The following PCGF1 variants were observed in gnomAD, a reference collection of about 807,000 sequenced individuals.
The protein encoded by PCGF1 is polycomb group ring finger 1.
PCGF1 carries 10 observed loss-of-function variants against 38.8 expected under a neutral mutation model. The observed-to-expected ratio is 0.26, with a 90% CI of 0.16 to 0.44. PCGF1 has a LOEUF of 0.44. Among genes scored for constraint, PCGF1 ranks in the 20% least tolerant of loss-of-function variants. PCGF1 has a pLI of 1.00. For synonymous variants in PCGF1, 119 were observed against 121.3 expected (o/e 0.98, Z 0.12); for missense variants, 230 against 331.5 (o/e 0.69, Z 2.38).
chr2:74,506,515 T>C, intron 3 of PCGF1: 1 of 627,594 alleles, frequency 1.6e-6, no homozygotes, highest in African/African-American at 1.8e-5. Context: ...GAGGTGGAGC[T>C]TGCAGTGAGC....
intron 1 of PCGF1, 172 bp downstream of exon 1, chr2:74,507,404 C>A (rs922467601): frequency 2.2e-5 from 32 of 1,455,160 alleles, no homozygotes; most frequent in Non-Finnish European, 2.8e-5. Context: ...GGCGACACAA[C>A]GCGCAGGCGT....
chr2:74,507,650 C>A lies in PCGF1; in HGVS notation c.19G>T (p.Gly7Cys). The change falls in exon 1 of 9, where the codon GGC becomes TGC. Residue 7 changes from glycine to cysteine, a missense_variant. By Grantham distance (159) the Gly-to-Cys change is radical. Around this residue, in one of 3 missense-constraint regions of PCGF1, gnomAD observed 46 missense variants for 35.9 expected, o/e 1.28. Coordinates refer to ENST00000233630, the MANE Select transcript of PCGF1 (RefSeq NM_032673.3). Reference sequence around the variant, plus strand: ...AGCCTCATCGCGATCGCAATCTGGCCCCCCTGAGGAGACGCCATCTTAAAG... The same window carrying A: ...AGCCTCATCGCGATCGCAATCTGGCACCCCTGAGGAGACGCCATCTTAAAG... Reference protein sequence around the residue: MASPQGGQIAIAMRLRN... With the variant: MASPQGCQIAIAMRLRN... 1 of 1,567,040 alleles carries A rather than the reference C, an allele frequency of 6.4e-7. No homozygotes were observed. Among genetic ancestry groups the A allele is most frequent in the Non-Finnish European group, 8.6e-7 (1 of 1,156,550 alleles).
At chr2:74,506,113 C>T in intron 4 of PCGF1, 56 bp from the exon 5 acceptor site, 2 of 1,611,862 alleles carry the variant, frequency 1.2e-6, no homozygotes, top group Non-Finnish European at 1.7e-6. Flanking sequence ...ACTCCTCTTT[C>T]CCCAGAGAGC....
rs746978198 is a variant in PCGF1, at chr2:74,506,269, T to C, written c.353-17A>G. On this transcript the variant is annotated splice_polypyrimidine_tract_variant and intron_variant, in intron 3 of 8. Coordinates refer to ENST00000233630, the MANE Select transcript of PCGF1 (RefSeq NM_032673.3). ...TCTCTTCACCTAGAAGAAGGTGAAG[T>C]ATGAGAATAAAGTATTAGCCCTTCG... The C allele has an allele frequency of 1.7e-5, 28 of 1,612,166 alleles. No homozygotes were observed. The highest frequency in any genetic ancestry group is 3.3e-5 in the Admixed American group (2 of 59,992).
intron 3 of PCGF1, 94 bp from the exon 4 acceptor site, chr2:74,506,346 G>A (rs1434867709): frequency 1.7e-6 from 2 of 1,168,366 alleles, no homozygotes; most frequent in Non-Finnish European, 2.5e-6. Flanking sequence ...GGGAGGCAGA[G>A]GTGGGCAGAT....
chr2:74,505,819 C>T, intron 5 of PCGF1, 49 bp from the exon 6 acceptor site: 1 of 1,611,822 alleles, frequency 6.2e-7, no homozygotes, highest in Non-Finnish European at 8.5e-7. Context: ...TCCTCCTCTT[C>T]CCCACCCAGA....
At position 74,506,958 on chromosome 2, in the gene PCGF1, C is replaced by T. The variant is rs760556202; in HGVS notation, c.200-74G>A. The T allele has an allele frequency of 4.4e-6, 7 of 1,600,028 alleles. No individual in the cohort carries two copies. The Admixed American group carries it at 5.0e-5, about 11-fold the overall frequency. ...ATGGGCTGGGTGGGGTGCCTGGATG[C>T]GTGAGGCAGGCCGCACAGAAGCTGG... On this transcript the variant is annotated intron_variant, in intron 2 of 8. Coordinates refer to ENST00000233630, the MANE Select transcript of PCGF1 (RefSeq NM_032673.3).
Position 74,505,589 on chromosome 2 carries a change from C to A in PCGF1, c.614G>T (p.Arg205Met), listed in dbSNP as rs759438760. 40 of 1,613,998 alleles carry A rather than the reference C, an allele frequency of 2.5e-5. No homozygotes were observed. The highest frequency in any genetic ancestry group is 3.2e-5 in the Non-Finnish European group (38 of 1,180,036). Residue 205 changes from arginine to methionine, a missense_variant, in exon 7 of 9, where the codon AGG (arginine) becomes ATG (methionine). Physicochemically the swap from Arg to Met is moderately conservative, Grantham distance 91. Coordinates refer to ENST00000233630, the MANE Select transcript of PCGF1 (RefSeq NM_032673.3). ...SVRAEVRHLR[R>M]VLCHRLMLNP... ...TAGCATCAAGCGGTGACACAGGACC[C>A]TCCGGAGATGGCGTACCTCAGCTCT... is the stretch of plus-strand genomic sequence containing the variant.
At chr2:74,506,120 G>T (rs1674625872) in intron 4 of PCGF1, 61 bp downstream of exon 4, 1 of 1,611,754 alleles carries the variant, frequency 6.2e-7, no homozygotes, top group African/African-American at 1.3e-5. Flanking sequence ...TTTCCCCAGA[G>T]AGCAAAACTG....
intron 8 of PCGF1, 71 bp downstream of exon 8, chr2:74,505,268 C>T: frequency 3.2e-6 from 5 of 1,572,926 alleles, no homozygotes; most frequent in South Asian, 1.2e-5. Context: ...CCCACCCTTC[C>T]CCTGAGGACT....
At position 74,507,348 on chromosome 2, in the gene PCGF1, G is replaced by C; in HGVS notation, c.94-201C>G. 6.2e-6 allele frequency: 9 copies of C among 1,452,584 alleles called. No individual in the cohort carries two copies. In the South Asian group the frequency reaches 1.3e-4, roughly 21 times the overall value. 90.0% of individuals were successfully genotyped at this position (1,452,584 alleles called of 1,614,324 possible). A position where few individuals can be genotyped will look rare whatever the true frequency, so the allele number is the denominator to read the frequency against. ...CGCGCACAGCGGGGGCTTCCCTCAC[G>C]TGGACTCGCCTGACCCTCCTTTCCC... On this transcript the variant is annotated intron_variant, in intron 1 of 8. Transcript: ENST00000233630.
chr2:74,505,442 A>G (rs760486687), intron 7 of PCGF1, 23 bp from the exon 8 acceptor site: 1 of 1,606,774 alleles, frequency 6.2e-7, no homozygotes, highest in South Asian at 1.1e-5. Context: ...TGGGGGCATA[A>G]TTTTAGGAAC....
rs780574338 is a variant in PCGF1 at position 74,505,395 on chromosome 2, C to G, written c.676G>C (p.Val226Leu). The G allele has an allele frequency of 1.8e-5, 29 of 1,610,624 alleles. No homozygotes were observed. In the Admixed American group the frequency reaches 4.9e-4, roughly 27 times the overall value. ...QHVQLLFDNE[V>L]LPDHMTMKQI... ...TTCATTGTCATGTGATCAGGGAGAA[C>G]TTCATTGTCAAAAAGGAGCTGCACC... The change falls in exon 8 of 9, where the codon GTT (valine) becomes CTT (leucine). Residue 226 changes from valine to leucine, a missense_variant. Around this residue, in one of 3 missense-constraint regions of PCGF1, gnomAD observed 144 missense variants for 182.4 expected, o/e 0.79. Transcript: ENST00000233630.
intron 3 of PCGF1, 199 bp from the exon 4 acceptor site, chr2:74,506,451 G>A (rs964349165): frequency 7.0e-5 from 43 of 615,488 alleles, no homozygotes; most frequent in African/African-American, 4.2e-4. Flanking sequence ...GGTGGTGGGC[G>A]CCTGTAGTCC....
chr2:74,506,223 G>C lies in PCGF1; in HGVS notation c.382C>G (p.Gln128Glu). The change falls in exon 4 of 9, where the codon CAG becomes GAG. Residue 128 changes from glutamine to glutamate, a missense_variant. Physicochemically the swap from Gln to Glu is conservative, Grantham distance 29. This residue lies in a region of PCGF1 where 144 missense variants were observed against 182.4 expected (regional missense o/e 0.79). Transcript: ENST00000233630. ...SEEKRIREFY[Q>E]SRGLDRVTQP... The stretch of plus-strand genomic sequence containing the variant: ...GTGACCCGGTCCAAACCTCGGGACT[G>C]GTAGAATTCCCGAATCCGTTTCTCT... The C allele has an allele frequency of 6.2e-7, 1 of 1,614,146 alleles. No homozygotes were observed.
At chr2:74,507,466 T>C in intron 1 of PCGF1, 110 bp downstream of exon 1, 1 of 1,500,204 alleles carries the variant, frequency 6.7e-7, no homozygotes, top group Non-Finnish European at 8.9e-7. Context: ...CACTGGGCAC[T>C]CTGTCTCTGC....
chr2:74,507,025 G>C lies in PCGF1; in HGVS notation c.199+17C>G. The C allele has an allele frequency of 3.1e-6, 5 of 1,610,984 alleles. No individual in the cohort carries two copies. Among genetic ancestry groups the C allele is most frequent in the Non-Finnish European group, 4.2e-6 (5 of 1,177,130 alleles). ...GACTAGGGACTGGAAGAACTAGGCA[G>C]TCTCCAAGGCACTCACAAGTATGAA... On this transcript the variant is annotated intron_variant, in intron 2 of 8. Coordinates refer to ENST00000233630, the MANE Select transcript of PCGF1 (RefSeq NM_032673.3).
chr2:74,506,245 C>A lies in PCGF1; in HGVS notation c.360G>T (p.Glu120Asp). 6.2e-7 allele frequency: 1 copy of A among 1,614,074 alleles called. No individual in the cohort carries two copies. The highest frequency in any genetic ancestry group is 8.5e-7 in the Non-Finnish European group (1 of 1,180,026). Reference protein sequence around the residue: ...KLVPGLQDSEEKRIREFYQSR... With the variant: ...KLVPGLQDSEDKRIREFYQSR... ...ACTGGTAGAATTCCCGAATCCGTTT[C>A]TCTTCACCTAGAAGAAGGTGAAGTA... Residue 120 changes from glutamate (E) to aspartate (D), a missense_variant, in exon 4 of 9, where the codon GAG (glutamate) becomes GAT (aspartate). By Grantham distance (45) the Glu-to-Asp change is conservative (BLOSUM62 2). Coordinates refer to ENST00000233630, the MANE Select transcript of PCGF1 (RefSeq NM_032673.3).
chr2:74,506,370 G>C (rs1374503866), intron 3 of PCGF1, 118 bp from the exon 4 acceptor site: 1 of 916,786 alleles, frequency 1.1e-6, no homozygotes, highest in East Asian at 2.5e-5. Context: ...GAAGTCAGGA[G>C]ATTGAGGCCA....
Sources: gnomAD v4.1 joint callset for allele counts on GRCh38, gnomAD v4.1.1 for gene constraint, gnomAD v4.1.1 regional missense constraint, MANE v1.5 for transcripts, NCBI Gene and HGNC (gene_info 2026-07-23, HGNC 2026-07-21) for gene names.